The following EIF4G3 variants were observed in gnomAD, a reference collection of about 807,000 sequenced individuals.
EIF4G3 encodes eukaryotic translation initiation factor 4 gamma 3.
A neutral mutation model predicts 186.4 loss-of-function variants in EIF4G3; 34 were observed. The ratio of observed to expected loss-of-function variants is 0.18; its 90% CI spans 0.14 to 0.24. The LOEUF (loss-of-function observed/expected upper bound fraction) is 0.24, where lower values mean the gene tolerates loss of function less well. Ranked by LOEUF, EIF4G3 falls within the 10% of genes least tolerant of loss-of-function variation. The probability of loss-of-function intolerance (pLI) is 1.00; values close to 1 mark genes in which losing one functional copy is unlikely to be tolerated. For synonymous variants in EIF4G3, 673 were observed against 679.5 expected (o/e 0.99, Z 0.15); for missense variants, 1,536 against 1,948.5 (o/e 0.79, Z 3.99).
chr1:21,094,373 G>A (rs1430171667), intron 2 of EIF4G3, among the ~76,000 whole-genome samples: 4 of 151,962 alleles, frequency 2.6e-5, no homozygotes, highest in Admixed American at 2.6e-4. Context: ...CAACCCAAAT[G>A]CCCATCAATG....
chr1:20,893,433 A>C, intron 18 of EIF4G3, 84 bp downstream of exon 18: 1 of 1,391,792 alleles, frequency 7.2e-7, no homozygotes, highest in Non-Finnish European at 9.7e-7. Flanking sequence ...CAACGAATAA[A>C]AGCTGCTGTC....
chr1:20,940,513 T>C (rs1452290379), intron 14 of EIF4G3, among the ~76,000 whole-genome samples: 1 of 152,184 alleles, frequency 6.6e-6, no homozygotes, highest in Non-Finnish European at 1.5e-5. Context: ...AATTTCCTTA[T>C]TATACACCTC....
intron 4 of EIF4G3, among the ~76,000 whole-genome samples, chr1:21,006,572 G>A (rs2085140719): frequency 6.6e-6 from 1 of 151,878 alleles, no homozygotes. Flanking sequence ...TTATTTGTTG[G>A]GGAGATAAGA....
At chr1:20,838,399 T>C (rs2067395657) in intron 30 of EIF4G3, among the ~76,000 whole-genome samples, 1 of 152,250 alleles carries the variant, frequency 6.6e-6, no homozygotes, top group Admixed American at 6.5e-5. Flanking sequence ...TAACTATTTA[T>C]AAATGGATAT....
chr1:21,148,365 C>T (rs996659013), intron 2 of EIF4G3, among the ~76,000 whole-genome samples: 1 of 152,096 alleles, frequency 6.6e-6, no homozygotes, highest in Non-Finnish European at 1.5e-5. Flanking sequence ...AGCCACCCTG[C>T]CTGGTCTCAG....
intron 20 of EIF4G3, among the ~76,000 whole-genome samples, chr1:20,878,460 C>T (rs970131769): frequency 1.3e-5 from 2 of 152,250 alleles, no homozygotes; most frequent in South Asian, 2.1e-4. Flanking sequence ...CTTGGAAATA[C>T]TTATTTTCAA....
At chr1:21,121,512 C>A (rs529286919) in intron 2 of EIF4G3, among the ~76,000 whole-genome samples, 4 of 152,058 alleles carry the variant, frequency 2.6e-5, no homozygotes, top group Non-Finnish European at 4.4e-5. Flanking sequence ...CAGTGGCTCA[C>A]GCCTATAATC....
At chr1:20,882,218 A>AT (rs2082611082) in intron 19 of EIF4G3, among the ~76,000 whole-genome samples, 1 of 121,112 alleles carries the variant, frequency 8.3e-6, no homozygotes, top group Non-Finnish European at 1.8e-5. Context: ...CACACACAAA[A>AT]TCATTTATTG....
intron 33 of EIF4G3, among the ~76,000 whole-genome samples, chr1:20,820,821 A>AG (rs2062159603): frequency 6.6e-6 from 1 of 151,864 alleles, no homozygotes; most frequent in Non-Finnish European, 1.5e-5. Context: ...AGGAGAGAGG[A>AG]GGTACCCTCT....
chr1:21,106,740 T>C (rs1409980985), intron 2 of EIF4G3, among the ~76,000 whole-genome samples: 5 of 151,676 alleles, frequency 3.3e-5, no homozygotes, highest in African/African-American at 1.2e-4. Context: ...ATTAAAAAAT[T>C]AAAAAAAGGA....
chr1:20,978,363 G>A lies in EIF4G3; in HGVS notation c.493+1971C>T, dbSNP rs550921726. ...TGTTCTGAAAATATCAAATTTCATA[G>A]TAATGATACAACTTAATAAAGCTGA... On this transcript the variant is annotated intron_variant, in intron 10 of 36. Coordinates refer to ENST00000602326, the MANE Select transcript of EIF4G3 (RefSeq NM_001391906.1). Among the ~76,000 whole-genome samples the A allele has an allele frequency of 8.5e-4, 130 of 152,184 alleles. 1 individual carries two copies. Among genetic ancestry groups the A allele is most frequent in the African/African-American group, 2.1e-3 (89 of 41,542 alleles).
At chr1:20,994,274 T>C (rs1331804682) in intron 7 of EIF4G3, among the ~76,000 whole-genome samples, 1 of 152,184 alleles carries the variant, frequency 6.6e-6, no homozygotes, top group African/African-American at 2.4e-5. Flanking sequence ...GCAAACTCTT[T>C]CTAACAATTT....
At chr1:21,101,057 T>C (rs1428771951) in intron 2 of EIF4G3, among the ~76,000 whole-genome samples, 1 of 152,156 alleles carries the variant, frequency 6.6e-6, no homozygotes, top group Non-Finnish European at 1.5e-5. Flanking sequence ...AGACTGTCAA[T>C]ATACCTAAGG....
chr1:20,943,968 T>TGTGTGTG (rs1558362029), intron 13 of EIF4G3, among the ~76,000 whole-genome samples: 335 of 11,954 alleles, frequency 0.028, 36 homozygotes, highest in Middle Eastern at 0.14. Context: ...CTTGTCTTTA[T>TGTGTGTG]TTTTTTTGTG....
At position 20,886,275 on chromosome 1, in the gene EIF4G3, T is replaced by C; in HGVS notation, c.2350A>G (p.Lys784Glu). ...CTTGGCTTCCAGGCATTTTCTGCCT[T>C]TTTCAGGTGTACATCTTCTTTTACA... The part of the protein sequence containing the change: ...VSVKEDVHLK[K>E]AENAWKPSQK... Residue 784 changes from lysine to glutamate, a missense_variant, in exon 19 of 37, where the codon AAG becomes GAG. This residue lies in a region of EIF4G3 where 139 missense variants were observed against 192.8 expected (regional missense o/e 0.72). Transcript: ENST00000602326. 1.2e-6 allele frequency: 2 copies of C among 1,614,072 alleles called. No homozygotes were observed. Among genetic ancestry groups the C allele is most frequent in the Non-Finnish European group, 1.7e-6 (2 of 1,179,978 alleles).
In EIF4G3 at chr1:20,851,475, A is replaced by G; in HGVS notation, c.3555T>C (p.Arg1185=). The G allele has an allele frequency of 6.2e-7, 1 of 1,614,116 alleles. No individual in the cohort carries two copies. The highest frequency in any genetic ancestry group is 8.5e-7 in the Non-Finnish European group (1 of 1,180,018). ...EFDSRRTLTS[R]GSMGREKNDK... ...CATTCTTCTCCCTGCCCATACTTCC[A>G]CGACTTAAAAGACAAAACAACACTT... The change falls in exon 28 of 37, where the codon CGT becomes CGC. Residue 1185 remains arginine, a synonymous_variant. Coordinates refer to ENST00000602326, the MANE Select transcript of EIF4G3 (RefSeq NM_001391906.1).
At chr1:20,863,252 G>C (rs1470877872) in intron 22 of EIF4G3, among the ~76,000 whole-genome samples, 1 of 151,880 alleles carries the variant, frequency 6.6e-6, no homozygotes, top group African/African-American at 2.4e-5. Context: ...GACCAGAGGG[G>C]CCAGGCATAG....
intron 2 of EIF4G3, among the ~76,000 whole-genome samples, chr1:21,156,521 C>T (rs1256720880): frequency 3.9e-5 from 6 of 152,074 alleles, no homozygotes; most frequent in Non-Finnish European, 8.8e-5. Flanking sequence ...ATTTCAAATC[C>T]AACATGTCCT....
rs560436294 is a variant in EIF4G3 at position 21,081,185 on chromosome 1, C to A, written c.-196+7953G>T. On this transcript the variant is annotated intron_variant, in intron 3 of 36. Coordinates refer to ENST00000602326, the MANE Select transcript of EIF4G3 (RefSeq NM_001391906.1). ...TGGTGGCTCACGCCTGTAATCCCAG[C>A]ACTTTGGGAGGCCGAGGCGGGTGGA... Among the ~76,000 whole-genome samples the A allele has an allele frequency of 2.3e-3, 357 of 152,342 alleles. 2 individuals carry two copies. The highest frequency in any genetic ancestry group is 4.4e-3 in the Admixed American group (68 of 15,306).
Sources: gnomAD v4.1 joint callset for allele counts (sites outside exome capture counted in the v4.1 genomes callset) on GRCh38, gnomAD v4.1.1 for gene constraint, gnomAD v4.1.1 regional missense constraint, MANE v1.5 for transcripts, NCBI Gene and HGNC (gene_info 2026-07-23, HGNC 2026-07-21) for gene names.